MAN1C1: variants seen among roughly 807,000 people sequenced by gnomAD.
MAN1C1 encodes the protein mannosyl-oligosaccharide 1,2-alpha-mannosidase IC.
A neutral mutation model predicts 71.5 loss-of-function variants in MAN1C1; 49 were observed. That is an observed-to-expected ratio of 0.69 (90% CI 0.54 to 0.87). The LOEUF is 0.87. Among genes scored for constraint, MAN1C1 ranks in the 40% least tolerant of loss-of-function variants. MAN1C1 has a pLI of 0.00. For missense variants in MAN1C1, 743 were observed against 835.0 expected, an observed-to-expected ratio of 0.89 and a Z score of 1.36; for synonymous variants, 352 against 343.7, an observed-to-expected ratio of 1.02 and a Z score of -0.27.
At position 25,778,297 on chromosome 1, in the gene MAN1C1, A is replaced by T. The variant is rs1026742840; in HGVS notation, c.1450A>T (p.Thr484Ser). The change falls in exon 9 of 12, where the codon ACG (threonine) becomes TCG (serine). Residue 484 changes from threonine (T) to serine (S), a missense_variant. By Grantham distance (58) the Thr-to-Ser change is moderately conservative. Transcript: ENST00000374332. This position sits in a 1 kb window ranked among gnomAD's most constrained non-coding sequence, Gnocchi z 5.5. ...AGAGCTCGCAGCCCAGATCACCAAG[A>T]CGTGTCACGAGTCATACGCCCGCTC... is the stretch of plus-strand genomic sequence containing the variant. The part of the protein sequence containing the change: ...YRELAAQITK[T>S]CHESYARSDT... 1 of 1,613,208 alleles carries T rather than the reference A, an allele frequency of 6.2e-7. No individual in the cohort carries two copies. The highest frequency in any genetic ancestry group is 1.3e-5 in the African/African-American group (1 of 74,942).
chr1:25,668,416 C>G (rs1572135273), intron 1 of MAN1C1, among the ~76,000 whole-genome samples: 1 of 152,114 alleles, frequency 6.6e-6, no homozygotes, highest in Non-Finnish European at 1.5e-5. Context: ...TGTACTAGAA[C>G]ATGGGGTACA....
intron 2 of MAN1C1, among the ~76,000 whole-genome samples, chr1:25,718,507 C>T (rs1029831150): frequency 2.0e-5 from 3 of 152,208 alleles, no homozygotes; most frequent in Non-Finnish European, 4.4e-5. Flanking sequence ...CAGTAGGTTT[C>T]AGTATATTTA....
At chr1:25,685,876 G>A (rs1216352630) in intron 1 of MAN1C1, among the ~76,000 whole-genome samples, 2 of 152,188 alleles carry the variant, frequency 1.3e-5, no homozygotes, top group South Asian at 2.1e-4. Context: ...AAAGAGACTC[G>A]TATGGTGATT....
chr1:25,754,694 T>C (rs2047262251), intron 5 of MAN1C1, among the ~76,000 whole-genome samples: 1 of 152,064 alleles, frequency 6.6e-6, no homozygotes, highest in Admixed American at 6.5e-5. Flanking sequence ...ACACACACAC[T>C]GTCCTCTGGC....
At chr1:25,640,855 C>T (rs1478217783) in intron 1 of MAN1C1, among the ~76,000 whole-genome samples, 1 of 152,092 alleles carries the variant, frequency 6.6e-6, no homozygotes, top group African/African-American at 2.4e-5. Flanking sequence ...AAAATGGTGC[C>T]AGAAAGGTAT....
At position 25,780,975 on chromosome 1, in the gene MAN1C1, T is replaced by G; in HGVS notation, c.1513T>G (p.Ser505Ala). 6.2e-7 allele frequency: 1 copy of G among 1,614,140 alleles called. No individual in the cohort carries two copies. Among genetic ancestry groups the G allele is most frequent in the Non-Finnish European group, 8.5e-7 (1 of 1,180,004 alleles). ...KLGPEAFWFN[S>A]GREAVATQLS... ...TGGGCCTGAGGCCTTCTGGTTTAAC[T>G]CCGGCAGAGAGGCCGTGGCCACCCA... is the stretch of plus-strand genomic sequence containing the variant. The change falls in exon 10 of 12, where the codon TCC becomes GCC. Residue 505 changes from serine to alanine, a missense_variant. Transcript: ENST00000374332.
chr1:25,714,585 A>AT (rs1004106569), intron 2 of MAN1C1, among the ~76,000 whole-genome samples: 6 of 136,862 alleles, frequency 4.4e-5, no homozygotes, highest in Non-Finnish European at 8.9e-5. Flanking sequence ...CAGAAAGCAG[A>AT]TAAAAAAAAA....
intron 6 of MAN1C1, chr1:25,758,966 G>T (rs2047326098): frequency 2.1e-6 from 1 of 470,012 alleles, no homozygotes; most frequent in Non-Finnish European, 3.9e-6. Flanking sequence ...CGGGGAAAAG[G>T]TTCTCACTGG....
chr1:25,748,218 T>C (rs1231152062), intron 3 of MAN1C1, among the ~76,000 whole-genome samples: 2 of 151,796 alleles, frequency 1.3e-5, no homozygotes, highest in African/African-American at 4.8e-5. Flanking sequence ...CAAGGTGGGG[T>C]CACTCGACCT....
At chr1:25,717,136 T>C (rs1189974791) in intron 2 of MAN1C1, among the ~76,000 whole-genome samples, 1 of 152,230 alleles carries the variant, frequency 6.6e-6, no homozygotes, top group African/African-American at 2.4e-5. Context: ...GCAGTTTTCA[T>C]GTGGATGTAT....
At chr1:25,719,551 A>G (rs1434402653) in intron 2 of MAN1C1, among the ~76,000 whole-genome samples, 1 of 151,826 alleles carries the variant, frequency 6.6e-6, no homozygotes, top group African/African-American at 2.4e-5. Flanking sequence ...CAGCCTCCTG[A>G]GTAGCTGGAA....
At position 25,617,900 on chromosome 1, in the gene MAN1C1, C is replaced by T. The variant is rs779468309; in HGVS notation, c.103C>T (p.Leu35=). The T allele has an allele frequency of 1.2e-6, 2 of 1,608,550 alleles. No homozygotes were observed. The highest frequency in any genetic ancestry group is 4.5e-5 in the East Asian group (2 of 44,350). ...CCTCTTCCTCTCGGGCCTGGTCACC[C>T]TGTGCTTCGGGGCCCTCTTCCTGCT... ...FLLFLSGLVT[L]CFGALFLLPH... The change falls in exon 1 of 12, where the codon CTG becomes TTG. Residue 35 remains leucine, a synonymous_variant. Coordinates refer to ENST00000374332, the MANE Select transcript of MAN1C1 (RefSeq NM_020379.4). This position sits in a 1 kb window ranked among gnomAD's most constrained non-coding sequence, Gnocchi z 5.1.
chr1:25,748,744 T>C (rs1478417995), intron 3 of MAN1C1, among the ~76,000 whole-genome samples: 1 of 152,206 alleles, frequency 6.6e-6, no homozygotes, highest in African/African-American at 2.4e-5. Context: ...CCCAAGAAAC[T>C]GCTGTTCACT....
chr1:25,633,003 G>A (rs1485888632), intron 1 of MAN1C1, among the ~76,000 whole-genome samples: 1 of 151,736 alleles, frequency 6.6e-6, no homozygotes, highest in Non-Finnish European at 1.5e-5. Context: ...GAGTACCTGG[G>A]ACTACAGGTG....
intron 1 of MAN1C1, among the ~76,000 whole-genome samples, chr1:25,662,306 G>C (rs1476158167): frequency 6.6e-6 from 1 of 152,082 alleles, no homozygotes; most frequent in Non-Finnish European, 1.5e-5. Flanking sequence ...GAAGCCTCAG[G>C]GGTGTTCTGG....
chr1:25,726,388 A>G (rs1014724252), intron 2 of MAN1C1, among the ~76,000 whole-genome samples: 2 of 152,204 alleles, frequency 1.3e-5, no homozygotes, highest in Non-Finnish European at 2.9e-5. Context: ...CCAGGCACTA[A>G]TAGAAGCTGC....
intron 2 of MAN1C1, among the ~76,000 whole-genome samples, chr1:25,706,841 G>A (rs2046530645): frequency 6.6e-6 from 1 of 152,188 alleles, no homozygotes; most frequent in African/African-American, 2.4e-5. Context: ...CAGTGGCTCT[G>A]TCCTTTGGGG....
At chr1:25,765,871 A>T (rs1262746157) in intron 7 of MAN1C1, among the ~76,000 whole-genome samples, 1 of 152,232 alleles carries the variant, frequency 6.6e-6, no homozygotes, top group Non-Finnish European at 1.5e-5. Flanking sequence ...ACTTAGAGAA[A>T]TGCAGAGTAT....
chr1:25,769,029 A>G lies in MAN1C1; in HGVS notation c.1142-2628A>G, dbSNP rs1487338502. Among the ~76,000 whole-genome samples, 1 of 134,514 alleles carries G rather than the reference A, an allele frequency of 7.4e-6. No homozygotes were observed. The highest frequency in any genetic ancestry group is 2.9e-5 in the African/African-American group (1 of 34,850). 88.2% of individuals were successfully genotyped at this position (134,514 alleles called of 152,430 possible). ...CACACTCCCCTCAGGCACACACACT[A>G]CACACCACCCACACTCCCACACACA... On this transcript the variant is annotated intron_variant, in intron 7 of 11. Coordinates refer to ENST00000374332, the MANE Select transcript of MAN1C1 (RefSeq NM_020379.4). The surrounding 1 kb of genome is among the most constrained non-coding windows in gnomAD (Gnocchi z 4.8).
Sources: allele counts gnomAD v4.1 joint callset (sites outside exome capture counted in the v4.1 genomes callset), GRCh38; gene constraint gnomAD v4.1.1; non-coding constraint Gnocchi (gnomAD v3.1); transcripts MANE v1.5; gene names NCBI Gene and HGNC (gene_info 2026-07-23, HGNC 2026-07-21).